The following SGCZ variants were observed in gnomAD, a reference collection of about 807,000 sequenced individuals.
SGCZ encodes zeta-sarcoglycan.
A neutral mutation model predicts 41.3 loss-of-function variants in SGCZ; 40 were observed. The observed-to-expected ratio is 0.97, with a 90% CI of 0.75 to 1.26. The LOEUF (loss-of-function observed/expected upper bound fraction) is 1.26. SGCZ is among the 50% of genes most tolerant of loss of function. SGCZ has a pLI of 0.00. For missense variants in SGCZ, 552 were observed against 369.8 expected (o/e 1.49, Z -4.04); for synonymous variants, 206 against 137.5 (o/e 1.50, Z -3.49).
At chr8:14,377,326 A>T (rs1445713236) in intron 2 of SGCZ, among the ~76,000 whole-genome samples, 1 of 152,012 alleles carries the variant, frequency 6.6e-6, no homozygotes, top group Non-Finnish European at 1.5e-5. Context: ...GTGCATGCAG[A>T]GGTACCCCTT....
intron 1 of SGCZ, among the ~76,000 whole-genome samples, chr8:14,578,406 G>T (rs903579576): frequency 3.9e-5 from 6 of 152,156 alleles, no homozygotes; most frequent in Non-Finnish European, 5.9e-5. Flanking sequence ...CCCTTTGCAA[G>T]TTGTCCTACA....
chr8:14,567,098 C>G (rs1314777992), intron 1 of SGCZ, among the ~76,000 whole-genome samples: 4 of 152,202 alleles, frequency 2.6e-5, no homozygotes, highest in Non-Finnish European at 5.9e-5. Context: ...TCGGGACCTG[C>G]AGCCCGCCAT....
chr8:14,942,860 A>T (rs1462894006), intron 1 of SGCZ, among the ~76,000 whole-genome samples: 1 of 152,014 alleles, frequency 6.6e-6, no homozygotes, highest in Non-Finnish European at 1.5e-5. Flanking sequence ...TATTACCCTC[A>T]TTTCCAAGTT....
At chr8:14,824,152 G>T (rs372199014) in intron 1 of SGCZ, among the ~76,000 whole-genome samples, 7 of 152,150 alleles carry the variant, frequency 4.6e-5, no homozygotes, top group African/African-American at 1.7e-4. Flanking sequence ...CTTACAAATG[G>T]GTTGAAGGAA....
At chr8:14,109,331 T>C (rs1183302275) in intron 5 of SGCZ, among the ~76,000 whole-genome samples, 1 of 152,134 alleles carries the variant, frequency 6.6e-6, no homozygotes, top group Non-Finnish European at 1.5e-5. Context: ...CTGAGCAAAA[T>C]GGAAGGATAC....
At chr8:14,899,737 C>T (rs1323124397) in intron 1 of SGCZ, among the ~76,000 whole-genome samples, 1 of 151,602 alleles carries the variant, frequency 6.6e-6, no homozygotes, top group African/African-American at 2.4e-5. Flanking sequence ...ATATACCAGC[C>T]TATACCTCAA....
chr8:14,277,063 T>C (rs893833929), intron 3 of SGCZ, among the ~76,000 whole-genome samples: 2 of 152,314 alleles, frequency 1.3e-5, no homozygotes, highest in African/African-American at 4.8e-5. Flanking sequence ...GTTTGTGCTA[T>C]TTGTCCAATT....
intron 2 of SGCZ, among the ~76,000 whole-genome samples, chr8:14,411,974 G>T (rs959293268): frequency 1.3e-5 from 2 of 152,078 alleles, no homozygotes; most frequent in African/African-American, 4.8e-5. Context: ...AGTATACTGA[G>T]TAAAAATACA....
chr8:14,743,447 C>A (rs1799254045), intron 1 of SGCZ, among the ~76,000 whole-genome samples: 1 of 151,588 alleles, frequency 6.6e-6, no homozygotes, highest in African/African-American at 2.4e-5. Context: ...TATACTGTGC[C>A]CTATAGAAAA....
At chr8:15,100,975 C>CAAA (rs113108237) in intron 1 of SGCZ, among the ~76,000 whole-genome samples, 5 of 129,522 alleles carry the variant, frequency 3.9e-5, no homozygotes, top group African/African-American at 1.4e-4. Context: ...GACCATGTCT[C>CAAA]AAAAAAAAAA....
In SGCZ at chr8:14,386,302, T is replaced by TAAA. The variant is rs5889531; in HGVS notation, c.235-62101_235-62099dup. Among the ~76,000 whole-genome samples, 344 of 138,512 alleles carry TAAA rather than the reference T, an allele frequency of 2.5e-3. 1 individual carries two copies. Among genetic ancestry groups the TAAA allele is most frequent in the African/African-American group, 4.9e-3 (194 of 39,526 alleles). The allele number at this position is 138,512 out of a possible 152,430, so 90.9% of individuals were successfully genotyped here. Reference sequence around the variant, plus strand: ...TAAAAATCTTTTGACTGCATCATGGTAAAAAAAAAAAAAACATTCTTAGTA... The same window carrying TAAA: ...TAAAAATCTTTTGACTGCATCATGGTAAAAAAAAAAAAAAAAACATTCTTAGTA... On this transcript the variant is annotated intron_variant, in intron 2 of 7. Coordinates refer to ENST00000382080, the MANE Select transcript of SGCZ (RefSeq NM_139167.4).
chr8:14,448,453 AT>A (rs1170742053), intron 2 of SGCZ, among the ~76,000 whole-genome samples: 1 of 152,180 alleles, frequency 6.6e-6, no homozygotes, highest in African/African-American at 2.4e-5. Context: ...TGGACTATGC[AT>A]TTTGGCTTTG....
At chr8:14,358,265 G>C (rs1037983824) in intron 2 of SGCZ, among the ~76,000 whole-genome samples, 2 of 152,082 alleles carry the variant, frequency 1.3e-5, no homozygotes, top group African/African-American at 2.4e-5. Flanking sequence ...AATATTTTTA[G>C]ATTGATATTT....
intron 1 of SGCZ, among the ~76,000 whole-genome samples, chr8:14,692,935 G>C (rs1291764509): frequency 2.6e-5 from 4 of 152,126 alleles, no homozygotes; most frequent in Admixed American, 6.5e-5. Flanking sequence ...TATTTACTTC[G>C]ATTGGCTTTC....
intron 2 of SGCZ, among the ~76,000 whole-genome samples, chr8:14,418,455 C>T (rs926628749): frequency 6.6e-6 from 1 of 151,868 alleles, no homozygotes; most frequent in Non-Finnish European, 1.5e-5. Context: ...TTGTATTTGT[C>T]TTGCTGTCAG....
intron 1 of SGCZ, among the ~76,000 whole-genome samples, chr8:14,882,821 G>T (rs527476792): frequency 6.6e-6 from 1 of 151,838 alleles, no homozygotes; most frequent in Non-Finnish European, 1.5e-5. Context: ...AGACCCTGTC[G>T]GCTCAGCATC....
At chr8:14,291,544 A>G (rs564596738) in intron 3 of SGCZ, among the ~76,000 whole-genome samples, 32 of 152,118 alleles carry the variant, frequency 2.1e-4, no homozygotes, top group Admixed American at 1.9e-3. Flanking sequence ...AAATTGAAAT[A>G]TCTTAGCTGT....
chr8:15,046,608 A>G (rs1804310505), intron 1 of SGCZ, among the ~76,000 whole-genome samples: 1 of 151,926 alleles, frequency 6.6e-6, no homozygotes, highest in Non-Finnish European at 1.5e-5. Context: ...CTGATGCCCC[A>G]GTCCAAGAGT....
At chr8:14,346,186 A>C (rs924836637) in intron 2 of SGCZ, among the ~76,000 whole-genome samples, 18 of 152,072 alleles carry the variant, frequency 1.2e-4, no homozygotes, top group Non-Finnish European at 2.2e-4. Flanking sequence ...TAATAGGAGA[A>C]ACTGGGGTTG....
Sources: allele counts gnomAD v4.1 joint callset (sites outside exome capture counted in the v4.1 genomes callset), GRCh38; gene constraint gnomAD v4.1.1; transcripts MANE v1.5; gene names NCBI Gene and HGNC (gene_info 2026-07-23, HGNC 2026-07-21).